The following CAMK2B variants were observed in gnomAD, a reference collection of about 807,000 sequenced individuals.
CAMK2B encodes the protein calcium/calmodulin dependent protein kinase II beta, also known as calcium/calmodulin-dependent protein kinase type II subunit beta.
A neutral mutation model predicts 93.7 loss-of-function variants in CAMK2B; 27 were observed. The ratio of observed to expected loss-of-function variants is 0.29; its 90% CI spans 0.21 to 0.40. The LOEUF is 0.40. Ranked by LOEUF, CAMK2B falls within the 10% of genes least tolerant of loss-of-function variation. The pLI is 1.00. For missense variants in CAMK2B, 568 were observed against 895.8 expected (o/e 0.63, Z 4.67); for synonymous variants, 374 against 358.8 (o/e 1.04, Z -0.48).
At chr7:44,282,893 G>A (rs2097113401) in intron 2 of CAMK2B, among the ~76,000 whole-genome samples, 1 of 152,222 alleles carries the variant, frequency 6.6e-6, no homozygotes, top group Non-Finnish European at 1.5e-5. Context: ...CTCCCAATTA[G>A]CTCAGATTTG....
intron 20 of CAMK2B, among the ~76,000 whole-genome samples, chr7:44,222,764 C>A (rs1444437155): frequency 6.6e-6 from 1 of 152,176 alleles, no homozygotes; most frequent in Non-Finnish European, 1.5e-5. Flanking sequence ...ATTCTCAGCA[C>A]GCCTGGTGGT....
At chr7:44,270,548 G>A (rs546690506) in intron 2 of CAMK2B, among the ~76,000 whole-genome samples, 1 of 152,356 alleles carries the variant, frequency 6.6e-6, no homozygotes, top group South Asian at 2.1e-4. Flanking sequence ...CCAGAACTCA[G>A]GCCCTACGCA....
At chr7:44,275,074 A>T (rs540661757) in intron 2 of CAMK2B, among the ~76,000 whole-genome samples, 1 of 152,294 alleles carries the variant, frequency 6.6e-6, no homozygotes, top group African/African-American at 2.4e-5. Flanking sequence ...ACCCTGCAAG[A>T]TGAGTGGCTG....
intron 19 of CAMK2B, among the ~76,000 whole-genome samples, chr7:44,226,970 G>A (rs59434271): frequency 0.011 from 66 of 6,098 alleles, 4 homozygotes; most frequent in African/African-American, 0.081. Context: ...GGGGGACAAA[G>A]TGGGGGTGTA....
intron 5 of CAMK2B, 82 bp from the exon 6 acceptor site, chr7:44,247,274 T>C (rs2096740566): frequency 2.6e-6 from 3 of 1,172,434 alleles, no homozygotes; most frequent in Admixed American, 1.8e-5. Flanking sequence ...GCAATGGTGC[T>C]GTGTGGCCTG....
At chr7:44,273,116 C>A (rs924825602) in intron 2 of CAMK2B, among the ~76,000 whole-genome samples, 9 of 152,188 alleles carry the variant, frequency 5.9e-5, no homozygotes, top group Admixed American at 3.3e-4. Flanking sequence ...AAGGACTGGG[C>A]ACAGCTCCTG....
intron 16 of CAMK2B, among the ~76,000 whole-genome samples, chr7:44,232,252 C>T (rs1179387327): frequency 3.3e-5 from 5 of 152,132 alleles, no homozygotes; most frequent in Admixed American, 6.5e-5. Flanking sequence ...GCTGGAGGGC[C>T]GTGTTGGGTG....
At chr7:44,239,687 AG>A in intron 12 of CAMK2B, 24 bp from the exon 13 acceptor site, 2 of 820,136 alleles carry the variant, frequency 2.4e-6, no homozygotes, top group Non-Finnish European at 3.6e-6. Flanking sequence ...GTTAGAGACG[AG>A]GGGAAGGGAG....
chr7:44,309,849 T>C (rs1793022684), intron 1 of CAMK2B, among the ~76,000 whole-genome samples: 1 of 152,250 alleles, frequency 6.6e-6, no homozygotes, highest in Non-Finnish European at 1.5e-5. Context: ...CCGCGCAGCC[T>C]TGCAGCGACC....
At position 44,263,066 on chromosome 7, in the gene CAMK2B, TG is replaced by T; in HGVS notation, c.161-3del. On this transcript the variant is annotated splice_region_variant and splice_polypyrimidine_tract_variant and intron_variant, in intron 2 of 23. Coordinates refer to ENST00000395749, the MANE Select transcript of CAMK2B (RefSeq NM_001220.5). Reference sequence around the variant, plus strand: ...CCTCTCTCTCCAGCTTCTGGTGATCTGGGGGACAGGAAAAACAAGGCGTCAC... The same window carrying T: ...CCTCTCTCTCCAGCTTCTGGTGATCTGGGGACAGGAAAAACAAGGCGTCAC... 2 of 1,613,430 alleles carry T rather than the reference TG, an allele frequency of 1.2e-6. No homozygotes were observed. The highest frequency in any genetic ancestry group is 1.7e-6 in the Non-Finnish European group (2 of 1,179,606).
At chr7:44,250,015 G>A (rs2096765414) in intron 5 of CAMK2B, among the ~76,000 whole-genome samples, 1 of 152,224 alleles carries the variant, frequency 6.6e-6, no homozygotes, top group Admixed American at 6.5e-5. Flanking sequence ...GGCACGTGTT[G>A]CTGAGATCAA....
rs1485574330 is a variant in CAMK2B at position 44,248,771 on chromosome 7, T to C, written c.342-1579A>G. On this transcript the variant is annotated intron_variant, in intron 5 of 23. Transcript: ENST00000395749. This position sits in a 1 kb window ranked among gnomAD's most constrained non-coding sequence, Gnocchi z 4.1. Reference sequence around the variant, plus strand: ...GTCAGCCATTGCATTAAAAAGTGAATCTGAGTTTCCTCCTGAAGAAATCCA... The same window carrying C: ...GTCAGCCATTGCATTAAAAAGTGAACCTGAGTTTCCTCCTGAAGAAATCCA... Among the ~76,000 whole-genome samples the C allele has an allele frequency of 6.6e-6, 1 of 152,148 alleles. No individual in the cohort carries two copies. Among genetic ancestry groups the C allele is most frequent in the Non-Finnish European group, 1.5e-5 (1 of 68,016 alleles).
chr7:44,304,005 G>GT (rs1790786998), intron 1 of CAMK2B, among the ~76,000 whole-genome samples: 2 of 152,138 alleles, frequency 1.3e-5, no homozygotes, highest in African/African-American at 4.8e-5. Context: ...GCTCGACATC[G>GT]TAAGTCATTA....
chr7:44,229,573 A>G (rs1583885983), intron 17 of CAMK2B, 72 bp from the exon 18 acceptor site: 3 of 289,724 alleles, frequency 1.0e-5, no homozygotes, highest in Non-Finnish European at 1.8e-5. Context: ...GGAGAAGGAC[A>G]GGGGGAGGCC....
rs1254293130 is a variant in CAMK2B at position 44,225,976 on chromosome 7, C to T, written c.1597+540G>A. The T allele has an allele frequency of 8.3e-7, 1 of 1,202,114 alleles. No individual in the cohort carries two copies. The highest frequency in any genetic ancestry group is 1.1e-6 in the Non-Finnish European group (1 of 926,484). The allele number at this position is 1,202,114 out of a possible 1,614,324, so 74.5% of individuals were successfully genotyped here. A position where few individuals can be genotyped will look rare whatever the true frequency, so the allele number is the denominator to read the frequency against. ...TCCCTGGCCGGGGAGGCTGCCCAGCCTGTGCTTCCTGTCCCGCCCGCTCTG... is the reference window on the plus strand; with the variant it reads ...TCCCTGGCCGGGGAGGCTGCCCAGCTTGTGCTTCCTGTCCCGCCCGCTCTG... On this transcript the variant is annotated intron_variant, in intron 20 of 23. Transcript: ENST00000395749. This position sits in a 1 kb window ranked among gnomAD's most constrained non-coding sequence, Gnocchi z 5.0.
chr7:44,279,061 A>C (rs748582565), intron 2 of CAMK2B, among the ~76,000 whole-genome samples: 2 of 152,132 alleles, frequency 1.3e-5, no homozygotes, highest in Admixed American at 6.5e-5. Context: ...CCTCTGAATC[A>C]TTAGAAACAC....
At chr7:44,239,393 G>C (rs897817455) in intron 13 of CAMK2B, among the ~76,000 whole-genome samples, 196 bp downstream of exon 13, 2 of 152,224 alleles carry the variant, frequency 1.3e-5, no homozygotes, top group African/African-American at 4.8e-5. Flanking sequence ...TACAGGCGAG[G>C]AGCCTTGGGG....
chr7:44,313,540 G>A (rs1412278695), intron 1 of CAMK2B, among the ~76,000 whole-genome samples: 1 of 149,782 alleles, frequency 6.7e-6, no homozygotes, highest in African/African-American at 2.5e-5. Context: ...TGAGGCTATG[G>A]GGGCAAAGTT....
intron 8 of CAMK2B, among the ~76,000 whole-genome samples, chr7:44,242,895 T>C (rs530274128): frequency 6.6e-6 from 1 of 152,162 alleles, no homozygotes; most frequent in South Asian, 2.1e-4. Context: ...CCTCTGCTGC[T>C]CCCCACCTCT....
Sources: allele counts gnomAD v4.1 joint callset (sites outside exome capture counted in the v4.1 genomes callset), GRCh38; gene constraint gnomAD v4.1.1; non-coding constraint Gnocchi (gnomAD v3.1); transcripts MANE v1.5; gene names NCBI Gene and HGNC (gene_info 2026-07-23, HGNC 2026-07-21).